Variants in ZNF385D observed in about 807,000 individuals in gnomAD.
ZNF385D encodes zinc finger protein 659.
Under a neutral mutation model 35.8 loss-of-function variants are expected in ZNF385D, and 15 were observed. The ratio of observed to expected loss-of-function variants is 0.42; its 90% CI spans 0.28 to 0.64. The LOEUF (loss-of-function observed/expected upper bound fraction) is 0.64, where lower values mean the gene tolerates loss of function less well. Among genes scored for constraint, ZNF385D ranks in the 30% least tolerant of loss-of-function variants. ZNF385D has a pLI of 0.23. For synonymous variants in ZNF385D, 212 were observed against 186.8 expected (o/e 1.13, Z -1.10); for missense variants, 474 against 494.6 (o/e 0.96, Z 0.39).
chr3:21,467,802 TG>T (rs1225934199), intron 4 of ZNF385D, among the ~76,000 whole-genome samples: 2 of 152,200 alleles, frequency 1.3e-5, no homozygotes, highest in Non-Finnish European at 2.9e-5. Flanking sequence ...TTCTGGTATT[TG>T]CATGTGGTAT....
At chr3:21,815,007 T>C (rs1024528273) in intron 3 of ZNF385D, among the ~76,000 whole-genome samples, 2 of 152,096 alleles carry the variant, frequency 1.3e-5, no homozygotes, top group Non-Finnish European at 2.9e-5. Flanking sequence ...TGTAGTCAAA[T>C]TAGAACTCAG....
chr3:22,232,384 C>G (rs912869623), intron 2 of ZNF385D, among the ~76,000 whole-genome samples: 1 of 150,118 alleles, frequency 6.7e-6, no homozygotes, highest in African/African-American at 2.5e-5. Flanking sequence ...GCTTCACGTT[C>G]TTTCTTCTTT....
At chr3:21,430,390 C>CT (rs1218385949) in intron 5 of ZNF385D, among the ~76,000 whole-genome samples, 2 of 151,964 alleles carry the variant, frequency 1.3e-5, no homozygotes, top group East Asian at 1.9e-4. Context: ...AATAAGCATG[C>CT]TTTTTTCAGA....
intron 1 of ZNF385D, among the ~76,000 whole-genome samples, chr3:21,745,131 C>A (rs912184865): frequency 6.6e-6 from 1 of 152,186 alleles, no homozygotes; most frequent in Non-Finnish European, 1.5e-5. Context: ...TTCCTGCCCC[C>A]ATAGCACCCA....
At chr3:22,281,485 T>A (rs1701738162) in intron 2 of ZNF385D, among the ~76,000 whole-genome samples, 1 of 152,110 alleles carries the variant, frequency 6.6e-6, no homozygotes, top group African/African-American at 2.4e-5. Flanking sequence ...CTGTGTCTAT[T>A]GAAATAATCA....
intron 2 of ZNF385D, among the ~76,000 whole-genome samples, chr3:21,581,044 T>C (rs2063643761): frequency 6.6e-6 from 1 of 152,130 alleles, no homozygotes; most frequent in African/African-American, 2.4e-5. Context: ...TGTATGCCTC[T>C]TTCTCTTAGC....
chr3:22,072,860 C>A (rs944158165), intron 3 of ZNF385D, among the ~76,000 whole-genome samples: 1 of 151,986 alleles, frequency 6.6e-6, no homozygotes, highest in Non-Finnish European at 1.5e-5. Flanking sequence ...AATACATATT[C>A]TTCCCTGAGC....
At chr3:21,928,304 G>A (rs1282020677) in intron 3 of ZNF385D, among the ~76,000 whole-genome samples, 5 of 145,438 alleles carry the variant, frequency 3.4e-5, no homozygotes, top group Admixed American at 3.4e-4. Context: ...GAGGGAGGAA[G>A]GAAGGTAGGA....
At chr3:21,817,125 A>T (rs1314702997) in intron 3 of ZNF385D, among the ~76,000 whole-genome samples, 1 of 152,236 alleles carries the variant, frequency 6.6e-6, no homozygotes, top group African/African-American at 2.4e-5. Flanking sequence ...AAAACTGGCT[A>T]GCCATATATA....
At chr3:21,793,399 G>A (rs998041513) in intron 3 of ZNF385D, among the ~76,000 whole-genome samples, 2 of 152,238 alleles carry the variant, frequency 1.3e-5, no homozygotes, top group African/African-American at 4.8e-5. Context: ...TGCAGATAGA[G>A]GGAACAAAGA....
chr3:22,016,573 C>T (rs911128327), intron 3 of ZNF385D, among the ~76,000 whole-genome samples: 4 of 151,942 alleles, frequency 2.6e-5, no homozygotes, highest in Middle Eastern at 3.2e-3. Context: ...TATTTCAGAA[C>T]GGGCATGTGA....
chr3:22,096,386 T>C (rs1179433122), intron 3 of ZNF385D, among the ~76,000 whole-genome samples: 2 of 152,042 alleles, frequency 1.3e-5, no homozygotes, highest in African/African-American at 2.4e-5. Context: ...TTATGGCTTA[T>C]TGTTTAAATA....
chr3:21,927,415 A>G (rs1225537897), intron 3 of ZNF385D, among the ~76,000 whole-genome samples: 1 of 152,204 alleles, frequency 6.6e-6, no homozygotes, highest in African/African-American at 2.4e-5. Flanking sequence ...TCTGTGTGCA[A>G]CAGTTCTTGG....
chr3:21,613,283 C>T (rs1189241186), intron 2 of ZNF385D, among the ~76,000 whole-genome samples: 2 of 151,628 alleles, frequency 1.3e-5, no homozygotes, highest in South Asian at 4.2e-4. Flanking sequence ...CTAAAAATGC[C>T]TGGGGCTACC....
chr3:22,043,155 A>G (rs1372811289), intron 3 of ZNF385D, among the ~76,000 whole-genome samples: 1 of 152,168 alleles, frequency 6.6e-6, no homozygotes, highest in Non-Finnish European at 1.5e-5. Flanking sequence ...CCTTTGGGTT[A>G]TTTATCCCTA....
At position 21,891,687 on chromosome 3, in the gene ZNF385D, C is replaced by A. The variant is rs114716254; in HGVS notation, c.326-226659G>T. Among the ~76,000 whole-genome samples the A allele has an allele frequency of 3.2e-3, 485 of 152,276 alleles. 3 individuals carry two copies. Among genetic ancestry groups the A allele is most frequent in the African/African-American group, 0.011 (465 of 41,564 alleles). On this transcript the variant is annotated intron_variant, in intron 3 of 5. Transcript: ENST00000494108. ...GTTAATATTCTAACACAAGTGGTTA[C>A]ATTAGTTTGAAATTAGGCTGAGAGG...
rs187291636 is a variant in ZNF385D at position 21,550,145 on chromosome 3, A to C, written c.276+14429T>G. Among the ~76,000 whole-genome samples the C allele has an allele frequency of 1.6e-3, 239 of 152,328 alleles. 3 individuals are homozygous for C. The highest frequency in any genetic ancestry group is 7.7e-4 in the East Asian group (4 of 5,180). On this transcript the variant is annotated intron_variant, in intron 3 of 7. Transcript: ENST00000281523. ...TTTATAAAATTCAAGCATACTTATA[A>C]AGAAAATTTGGAAAGTAAAGAAGTA...
chr3:21,796,286 T>A (rs1183345261), intron 3 of ZNF385D, among the ~76,000 whole-genome samples: 1 of 152,148 alleles, frequency 6.6e-6, no homozygotes, highest in Non-Finnish European at 1.5e-5. Context: ...CCTAAATTGT[T>A]CTATTAAGAC....
chr3:22,163,042 G>A (rs1249537347), intron 3 of ZNF385D, among the ~76,000 whole-genome samples: 3 of 152,152 alleles, frequency 2.0e-5, no homozygotes, highest in Admixed American at 6.6e-5. Flanking sequence ...AGCTGGAATG[G>A]ACTTTCAGAG....
Sources: gnomAD v4.1 joint callset for allele counts (sites outside exome capture counted in the v4.1 genomes callset) on GRCh38, gnomAD v4.1.1 for gene constraint, MANE v1.5 for transcripts, NCBI Gene and HGNC (gene_info 2026-07-23, HGNC 2026-07-21) for gene names.